The following TBPL2 variants were observed in gnomAD, a reference collection of about 807,000 sequenced individuals.
The protein encoded by TBPL2 is TATA-box binding protein like 2, also known as TATA box-binding protein-like 2.
A neutral mutation model predicts 38.2 loss-of-function variants in TBPL2; 40 were observed. The ratio of observed to expected loss-of-function variants is 1.05; its 90% confidence interval spans 0.81 to 1.36. The LOEUF is 1.36. Among genes scored for constraint, TBPL2 ranks in the 40% most tolerant of loss-of-function variants. TBPL2 has a pLI of 0.00. For synonymous variants in TBPL2, 169 were observed against 171.7 expected (o/e 0.98, Z 0.12); for missense variants, 461 against 456.7 (o/e 1.01, Z -0.09).
chr14:55,415,112 A>G (rs1464284562), intron 6 of TBPL2, among the ~76,000 whole-genome samples: 2 of 152,216 alleles, frequency 1.3e-5, no homozygotes, highest in Admixed American at 1.3e-4. Context: ...ACCAAACACC[A>G]CCATTACCTC....
At position 55,437,123 on chromosome 14, in the gene TBPL2, A is replaced by G. The variant is rs1359563891; in HGVS notation, c.151-105T>C. The G allele has an allele frequency of 3.0e-6, 3 of 996,162 alleles. No homozygotes were observed. In the East Asian group the frequency reaches 7.2e-5, roughly 24 times the overall value. The allele number at this position is 996,162 out of a possible 1,614,324, so 61.7% of individuals were successfully genotyped here. On this transcript the variant is annotated intron_variant, in intron 1 of 6. Transcript: ENST00000247219. ...GGCAGGCAGGCAATGTATTCAGTGT[A>G]AGAGGCAGTTCAAGATTGCTTGTAT... is the stretch of plus-strand genomic sequence containing the variant.
chr14:55,422,893 A>G (rs1055826522), intron 6 of TBPL2, among the ~76,000 whole-genome samples: 2 of 151,988 alleles, frequency 1.3e-5, no homozygotes, highest in Non-Finnish European at 2.9e-5. Flanking sequence ...ATATATAGCA[A>G]CCTTCTGTAG....
In TBPL2 at chr14:55,440,468, T is replaced by TG. The variant is rs769652260; in HGVS notation, c.77dup (p.Thr27AsnfsTer42). ...GCTCCATGGACCGTAATCCCACTGT[T>TG]GGGGGTGGGGGCGGGTAAGAGGGTA... On this transcript the variant is annotated frameshift_variant, in exon 1 of 7. Transcript: ENST00000247219. LOFTEE classifies it high-confidence loss of function. 1.2e-5 allele frequency: 19 copies of TG among 1,571,024 alleles called. No individual in the cohort carries two copies. The African/African-American group carries it at 1.4e-4, about 11-fold the overall frequency.
chr14:55,433,777 G>A, intron 3 of TBPL2, 56 bp from the exon 4 acceptor site: 1 of 1,508,978 alleles, frequency 6.6e-7, no homozygotes, highest in South Asian at 1.2e-5. Context: ...CATTATCCCA[G>A]TTGAAAAAGC....
chr14:55,439,613 A>ACCCCCC lies in TBPL2; in HGVS notation c.150+782_150+783insGGGGGG, dbSNP rs143930267. On this transcript the variant is annotated intron_variant, in intron 1 of 6. Transcript: ENST00000247219. ...CAACACCAGCCTGGGGAGAAAAGCAAACCCCCCCCCGTCTCTACTAAAAAA... is the reference window on the plus strand; with the variant it reads ...CAACACCAGCCTGGGGAGAAAAGCAACCCCCCACCCCCCCCCGTCTCTACTAAAAAA... Among the ~76,000 whole-genome samples, 38 of 47,930 alleles carry ACCCCCC rather than the reference A, an allele frequency of 7.9e-4. 5 individuals are homozygous for ACCCCCC. Among genetic ancestry groups the ACCCCCC allele is most frequent in the East Asian group, 1.9e-3 (2 of 1,068 alleles). 31.4% of individuals were successfully genotyped at this position (47,930 alleles called of 152,430 possible).
At position 55,435,844 on chromosome 14, in the gene TBPL2, T is replaced by C. The variant is rs769975133; in HGVS notation, c.696+3A>G. ...TATTGGAAGGAATACTGAGAAATGTTACCTTTGGGTTATATTCTGCATTTT... is the reference window on the plus strand; with the variant it reads ...TATTGGAAGGAATACTGAGAAATGTCACCTTTGGGTTATATTCTGCATTTT... On this transcript the variant is annotated splice_donor_region_variant and intron_variant, in intron 3 of 6. Transcript: ENST00000247219. 2.8e-5 allele frequency: 43 copies of C among 1,549,842 alleles called. No individual in the cohort carries two copies. The South Asian group carries it at 5.1e-4, about 18-fold the overall frequency.
intron 6 of TBPL2, 120 bp downstream of exon 6, chr14:55,424,039 C>T: frequency 6.2e-6 from 4 of 644,010 alleles, no homozygotes; most frequent in Non-Finnish European, 1.1e-5. Context: ...ATTTTTCATT[C>T]CAGGTATTCT....
At chr14:55,424,953 G>A (rs1885798900) in intron 5 of TBPL2, among the ~76,000 whole-genome samples, 2 of 152,176 alleles carry the variant, frequency 1.3e-5, no homozygotes, top group Non-Finnish European at 2.9e-5. Context: ...GGAAGTGAGA[G>A]GAGGTGAATA....
intron 4 of TBPL2, 31 bp downstream of exon 4, chr14:55,433,599 C>T: frequency 6.3e-7 from 1 of 1,585,104 alleles, no homozygotes; most frequent in Non-Finnish European, 8.7e-7. Flanking sequence ...AATTGTTTCT[C>T]TGGTAGGGGT....
intron 1 of TBPL2, chr14:55,438,924 A>C (rs1029653855): frequency 7.5e-5 from 11 of 145,986 alleles, no homozygotes; most frequent in African/African-American, 2.1e-4. Flanking sequence ...AAAAAAAAAA[A>C]GTAAGTTGCT....
intron 4 of TBPL2, among the ~76,000 whole-genome samples, chr14:55,433,124 G>A (rs1312117592): frequency 6.6e-6 from 1 of 151,818 alleles, no homozygotes; most frequent in African/African-American, 2.4e-5. Context: ...GGATATGTCA[G>A]TATTTTATTA....
exon 4 of TBPL2, chr14:55,433,693 C>T (rs542835695): frequency 8.7e-6 from 14 of 1,614,040 alleles, no homozygotes; most frequent in South Asian, 2.2e-5. Context: ...CCTGGGCTCT[C>T]GGATCCTCAT....
Position 55,424,273 on chromosome 14 carries a change from A to AGGCCGGGCGCGGTGGCTC in TBPL2, c.957-21_957-20insGAGCCACCGCGCCCGGCC. Reference sequence around the variant, plus strand: ...TCGTAACTGTTAAGATGTAAAAGGAAAATGTTAAAAATAGCACTATTCAGC... The same window carrying AGGCCGGGCGCGGTGGCTC: ...TCGTAACTGTTAAGATGTAAAAGGAAGGCCGGGCGCGGTGGCTCAATGTTAAAAATAGCACTATTCAGC... On this transcript the variant is annotated intron_variant, in intron 5 of 6. Coordinates refer to ENST00000247219, the Ensembl canonical transcript of TBPL2. 1 of 1,520,316 alleles carries AGGCCGGGCGCGGTGGCTC rather than the reference A, an allele frequency of 6.6e-7. No homozygotes were observed. The highest frequency in any genetic ancestry group is 1.1e-5 in the South Asian group (1 of 88,678). 94.2% of individuals were successfully genotyped at this position (1,520,316 alleles called of 1,614,324 possible).
At chr14:55,418,643 A>G (rs1594789104) in intron 6 of TBPL2, among the ~76,000 whole-genome samples, 2 of 152,324 alleles carry the variant, frequency 1.3e-5, no homozygotes, top group Admixed American at 1.3e-4. Flanking sequence ...ATTTCCGAGA[A>G]GCACAGATGT....
intron 2 of TBPL2, among the ~76,000 whole-genome samples, 169 bp downstream of exon 2, chr14:55,436,392 C>T (rs1886012418): frequency 6.6e-6 from 1 of 152,166 alleles, no homozygotes; most frequent in Non-Finnish European, 1.5e-5. Context: ...CTTTGCCTTA[C>T]AGATAATCAA....
chr14:55,436,566 T>C, exon 2 of TBPL2: 1 of 1,613,262 alleles, frequency 6.2e-7, no homozygotes, highest in South Asian at 1.1e-5. Flanking sequence ...CTTACTGTAG[T>C]TGAGGTACAA....
At chr14:55,423,723 T>C (rs763908605) in intron 6 of TBPL2, among the ~76,000 whole-genome samples, 15 of 152,222 alleles carry the variant, frequency 9.9e-5, no homozygotes, top group Non-Finnish European at 2.1e-4. Flanking sequence ...CATTCAGAGC[T>C]GCTTTCACAC....
At chr14:55,438,942 CTTTTTTT>C (rs200696709) in intron 1 of TBPL2, 1 of 127,248 alleles carries the variant, frequency 7.9e-6, no homozygotes, top group Non-Finnish European at 1.6e-5. Flanking sequence ...GCTCTCTTGC[CTTTTTTT>C]TTTTTTGAGA....
At chr14:55,419,133 T>TTA (rs1232827970) in intron 6 of TBPL2, among the ~76,000 whole-genome samples, 3 of 152,248 alleles carry the variant, frequency 2.0e-5, no homozygotes, top group Admixed American at 1.3e-4. Flanking sequence ...CACACAGGTG[T>TTA]TATTGTAGAC....
Sources: allele counts gnomAD v4.1 joint callset (sites outside exome capture counted in the v4.1 genomes callset), GRCh38; gene constraint gnomAD v4.1.1; transcripts MANE v1.5; gene names NCBI Gene and HGNC (gene_info 2026-07-23, HGNC 2026-07-21).